CHKA: variants seen among roughly 807,000 people sequenced by gnomAD.
CHKA encodes the protein choline kinase alpha, also known as CHETK-alpha.
Under a neutral mutation model 60.1 loss-of-function variants are expected in CHKA, and 34 were observed. The observed-to-expected ratio is 0.57, with a 90% CI of 0.43 to 0.75. CHKA has a LOEUF of 0.75. Ranked by LOEUF, CHKA falls within the 30% of genes least tolerant of loss-of-function variation. CHKA has a pLI of 0.00. For synonymous variants in CHKA, 217 were observed against 223.1 expected (o/e 0.97, Z 0.24); for missense variants, 563 against 561.3 (o/e 1.00, Z -0.03).
intron 1 of CHKA, among the ~76,000 whole-genome samples, chr11:68,109,086 CTTT>C (rs1040771984): frequency 9.2e-5 from 12 of 130,586 alleles, no homozygotes; most frequent in Admixed American, 5.5e-4. Context: ...TTTTCTTTTC[CTTT>C]TTTTTTTTTT....
chr11:68,075,407 T>C (rs148120183), intron 3 of CHKA, among the ~76,000 whole-genome samples: 217 of 152,150 alleles, frequency 1.4e-3, no homozygotes, highest in African/African-American at 4.9e-3. Context: ...CCCGACCTTT[T>C]CCTGTTATTG....
In CHKA at chr11:68,068,930, G is replaced by C; in HGVS notation, c.877C>G (p.Leu293Val). Reference protein sequence around the residue: ...PLELENLRSLLESTPSPVVFC... With the variant: ...PLELENLRSLVESTPSPVVFC... ...ACAACTGGAGATGGAGTAGATTCAAGCAATGATCTGAAAAGAAAGGTTTCA... is the reference window on the plus strand; with the variant it reads ...ACAACTGGAGATGGAGTAGATTCAACCAATGATCTGAAAAGAAAGGTTTCA... The change falls in exon 7 of 12, where the codon CTT becomes GTT. Residue 293 changes from leucine (L) to valine (V), a missense_variant. Physicochemically the swap from Leu to Val is conservative, Grantham distance 32. Coordinates refer to ENST00000265689, the MANE Select transcript of CHKA (RefSeq NM_001277.3). The C allele has an allele frequency of 6.2e-7, 1 of 1,611,440 alleles. No individual in the cohort carries two copies. Among genetic ancestry groups the C allele is most frequent in the Non-Finnish European group, 8.5e-7 (1 of 1,178,482 alleles).
chr11:68,054,045 G>C lies in CHKA; in HGVS notation c.1317C>G (p.Asp439Glu), dbSNP rs140389865. ...KISSIEFGYM[D>E]YAQARFDAYF... Reference sequence around the variant, plus strand: ...AGGCATCAAACCTTGCTTGGGCGTAGTCCTAGGAGACAGCAAAGAGAAGGC... The same window carrying C: ...AGGCATCAAACCTTGCTTGGGCGTACTCCTAGGAGACAGCAAAGAGAAGGC... Residue 439 changes from aspartate to glutamate, a missense_variant and splice_region_variant, in exon 12 of 12, where the codon GAC becomes GAG. Physicochemically the swap from Asp to Glu is conservative, Grantham distance 45 (BLOSUM62 2). Transcript: ENST00000265689. 3.9e-4 allele frequency: 630 copies of C among 1,612,434 alleles called. 1 individual carries two copies. In the African/African-American group the frequency reaches 4.8e-3, roughly 12 times the overall value.
At chr11:68,120,789 C>A in intron 1 of CHKA, 39 bp downstream of exon 1, 1 of 1,117,598 alleles carries the variant, frequency 8.9e-7, no homozygotes, top group Non-Finnish European at 1.1e-6. Flanking sequence ...CCCCGCGTCA[C>A]CTGACTGTCC....
At position 68,068,896 on chromosome 11, in the gene CHKA, T is replaced by C; in HGVS notation, c.911A>G (p.His304Arg). 2 of 1,612,540 alleles carry C rather than the reference T, an allele frequency of 1.2e-6. No individual in the cohort carries two copies. The highest frequency in any genetic ancestry group is 1.7e-6 in the Non-Finnish European group (2 of 1,178,816). Residue 304 changes from histidine (H) to arginine (R), a missense_variant, in exon 7 of 12, where the codon CAT becomes CGT. By Grantham distance (29) the His-to-Arg change is conservative. Transcript: ENST00000265689. The stretch of plus-strand genomic sequence containing the variant: ...ATTCTTACCTTCTTGACAGTCATTA[T>C]GACAAAATACAACTGGAGATGGAGT... ...ESTPSPVVFC[H>R]NDCQEGNILL... is the part of the protein sequence containing the mutation.
intron 2 of CHKA, among the ~76,000 whole-genome samples, chr11:68,087,753 T>C (rs1032493188): frequency 6.6e-6 from 1 of 152,142 alleles, no homozygotes; most frequent in Non-Finnish European, 1.5e-5. Context: ...TTTTAAAGGC[T>C]TTACATAAAA....
Position 68,065,807 on chromosome 11 carries a change from C to T in CHKA, c.1104G>A (p.Lys368=). 6.2e-7 allele frequency: 1 copy of T among 1,601,418 alleles called. No homozygotes were observed. The highest frequency in any genetic ancestry group is 1.3e-5 in the African/African-American group (1 of 74,856). Residue 368 remains lysine (K), a synonymous_variant, in exon 9 of 12, where the codon AAG becomes AAA. Coordinates refer to ENST00000265689, the MANE Select transcript of CHKA (RefSeq NM_001277.3). ...KYPFFRANIR[K]YPTKKQQLHF... The stretch of plus-strand genomic sequence containing the variant: ...CTACCTGTTGTTTCTTGGTGGGATA[C>T]TTCCGGATGTTTGCTCTGAAAAAAG...
At chr11:68,115,163 G>C (rs1858335372) in intron 1 of CHKA, among the ~76,000 whole-genome samples, 1 of 152,182 alleles carries the variant, frequency 6.6e-6, no homozygotes, top group Admixed American at 6.5e-5. Context: ...GTAAGCTAAT[G>C]TGTAAGTGTT....
At chr11:68,085,322 C>T (rs2134613011) in intron 2 of CHKA, among the ~76,000 whole-genome samples, 1 of 152,098 alleles carries the variant, frequency 6.6e-6, no homozygotes, top group South Asian at 2.1e-4. Context: ...CTCCCCAGGT[C>T]GAGCAATCCT....
intron 1 of CHKA, among the ~76,000 whole-genome samples, chr11:68,111,223 C>T (rs1467206230): frequency 6.6e-6 from 1 of 151,814 alleles, no homozygotes; most frequent in African/African-American, 2.4e-5. Flanking sequence ...ACCAGCCTGG[C>T]CAACATGGTG....
chr11:68,083,269 C>T, intron 2 of CHKA, among the ~76,000 whole-genome samples: 1 of 152,150 alleles, frequency 6.6e-6, no homozygotes, highest in East Asian at 1.9e-4. Flanking sequence ...ATAGCAAATT[C>T]CCATCCAGGG....
Position 68,070,853 on chromosome 11 carries a change from C to T in CHKA, c.635G>A (p.Arg212Gln), listed in dbSNP as rs368477871. Reference sequence around the variant, plus strand: ...ACTTAATTCTTCAGTATCTAATCGCCGGCTCTGAAAAAGAAAAGGGAGTTA... The same window carrying T: ...ACTTAATTCTTCAGTATCTAATCGCTGGCTCTGAAAAAGAAAAGGGAGTTA... Reference protein sequence around the residue: ...QGRLEQFIPSRRLDTEELSLP... With the variant: ...QGRLEQFIPSQRLDTEELSLP... Residue 212 changes from arginine to glutamine, a missense_variant, in exon 5 of 12, where the codon CGG becomes CAG. Physicochemically the swap from Arg to Gln is conservative, Grantham distance 43 (BLOSUM62 1). Transcript: ENST00000265689. 7.5e-6 allele frequency: 12 copies of T among 1,604,854 alleles called. 1 individual carries two copies. Among genetic ancestry groups the T allele is most frequent in the South Asian group, 4.4e-5 (4 of 90,102 alleles).
At chr11:68,072,902 G>A (rs113587618) in intron 4 of CHKA, among the ~76,000 whole-genome samples, 7,193 of 152,172 alleles carry the variant, frequency 0.047, 196 homozygotes, top group African/African-American at 0.078. Flanking sequence ...GGCTAAGGCA[G>A]AAAGATCACT....
intron 1 of CHKA, among the ~76,000 whole-genome samples, chr11:68,100,313 G>T (rs1857660638): frequency 6.6e-6 from 1 of 152,200 alleles, no homozygotes. Context: ...GCATGGGCTG[G>T]ATGTGGCGGC....
In CHKA at chr11:68,099,146, A is replaced by G. The variant is rs555298915; in HGVS notation, c.351-2016T>C. Among the ~76,000 whole-genome samples, 15 of 152,244 alleles carry G rather than the reference A, an allele frequency of 9.9e-5. No individual in the cohort carries two copies. In the South Asian group the frequency reaches 2.9e-3, roughly 29 times the overall value. ...AACAAGGAAATCTATAAAGTCCATT[A>G]GTGGTTGCCAGGAGCTGGGGTGGGA... On this transcript the variant is annotated intron_variant, in intron 1 of 11. Transcript: ENST00000265689.
chr11:68,080,763 G>T (rs1238594311), intron 3 of CHKA, among the ~76,000 whole-genome samples: 1 of 152,228 alleles, frequency 6.6e-6, no homozygotes, highest in Non-Finnish European at 1.5e-5. Context: ...CCTTCTCTGT[G>T]AGCCTGCACA....
At chr11:68,099,817 G>A (rs1406338051) in intron 1 of CHKA, among the ~76,000 whole-genome samples, 1 of 152,222 alleles carries the variant, frequency 6.6e-6, no homozygotes, top group African/African-American at 2.4e-5. Flanking sequence ...GCAAACAGAT[G>A]AAGTACTGTT....
intron 1 of CHKA, among the ~76,000 whole-genome samples, chr11:68,107,090 A>G (rs1857941929): frequency 6.6e-6 from 1 of 152,126 alleles, no homozygotes; most frequent in Non-Finnish European, 1.5e-5. Flanking sequence ...CGTCTCTACT[A>G]AAAATACAAA....
intron 1 of CHKA, among the ~76,000 whole-genome samples, chr11:68,117,542 A>C (rs1158618859): frequency 6.6e-6 from 1 of 152,064 alleles, no homozygotes; most frequent in African/African-American, 2.4e-5. Flanking sequence ...TACAAAAATT[A>C]GCCGGATGTG....
Sources: gnomAD v4.1 joint callset for allele counts (sites outside exome capture counted in the v4.1 genomes callset) on GRCh38, gnomAD v4.1.1 for gene constraint, MANE v1.5 for transcripts, NCBI Gene and HGNC (gene_info 2026-07-23, HGNC 2026-07-21) for gene names.